WWTR1: variants seen among roughly 807,000 people sequenced by gnomAD.
WWTR1 encodes the protein WW domain-containing transcription regulator protein 1.
WWTR1 carries 13 observed loss-of-function variants against 40.1 expected under a neutral mutation model. The ratio of observed to expected loss-of-function variants is 0.32; its 90% CI spans 0.21 to 0.52. The LOEUF is 0.52. Ranked by LOEUF, WWTR1 falls within the 20% of genes least tolerant of loss-of-function variation. The pLI, the probability that WWTR1 is intolerant of heterozygous loss-of-function variation, is 0.97. For synonymous variants in WWTR1, 230 were observed against 210.1 expected (o/e 1.09, Z -0.82); for missense variants, 436 against 523.1 (o/e 0.83, Z 1.63).
Position 149,709,764 on chromosome 3 carries a change from T to C in WWTR1, n.585-6436A>G, listed in dbSNP as rs111426265. Among the ~76,000 whole-genome samples, 969 of 151,986 alleles carry C rather than the reference T, an allele frequency of 6.4e-3. 11 individuals are homozygous for C. Among genetic ancestry groups the C allele is most frequent in the African/African-American group, 0.022 (926 of 41,430 alleles). ...TACTAAAAATACAAAATTAGCCGGG[T>C]GTGGTGGAACATGCCTGTGATCCCA... On this transcript the variant is annotated intron_variant and non_coding_transcript_variant, in intron 5 of 6. Transcript: ENST00000474080.
At chr3:149,543,590 A>AAAAAAAAAC (rs1736231823) in intron 3 of WWTR1, among the ~76,000 whole-genome samples, 1 of 149,066 alleles carries the variant, frequency 6.7e-6, no homozygotes, top group Non-Finnish European at 1.5e-5. Flanking sequence ...CAAAAAAAAA[A>AAAAAAAAAC]AAAAAAAAAA....
chr3:149,657,544 T>C lies in WWTR1; in HGVS notation c.-4+221A>G, dbSNP rs1314903889. On this transcript the variant is annotated intron_variant, in intron 1 of 6. Coordinates refer to ENST00000360632, the MANE Select transcript of WWTR1 (RefSeq NM_015472.6). Reference sequence around the variant, plus strand: ...ACTTTCTTGAAGCAAAGAAGTTGCCTGGAGGAGGAGAAGATAGGGCGAGGG... The same window carrying C: ...ACTTTCTTGAAGCAAAGAAGTTGCCCGGAGGAGGAGAAGATAGGGCGAGGG... The C allele has an allele frequency of 5.4e-6, 3 of 551,080 alleles. No homozygotes were observed. The African/African-American group carries it at 5.7e-5, about 11-fold the overall frequency. 34.1% of individuals were successfully genotyped at this position (551,080 alleles called of 1,614,324 possible).
intron 5 of WWTR1, among the ~76,000 whole-genome samples, chr3:149,712,451 G>A (rs905983141): frequency 1.3e-5 from 2 of 152,116 alleles, no homozygotes; most frequent in African/African-American, 4.8e-5. Flanking sequence ...ATCAGCCTAC[G>A]ATTTACCCAA....
intron 2 of WWTR1, among the ~76,000 whole-genome samples, chr3:149,591,389 T>A (rs1473192998): frequency 6.6e-6 from 1 of 152,220 alleles, no homozygotes; most frequent in Non-Finnish European, 1.5e-5. Flanking sequence ...CCATTTTTAT[T>A]AATGCTTTTA....
At chr3:149,636,497 T>C (rs1197800162) in intron 2 of WWTR1, among the ~76,000 whole-genome samples, 1 of 152,230 alleles carries the variant, frequency 6.6e-6, no homozygotes, top group Non-Finnish European at 1.5e-5. Context: ...TGGATCTTCA[T>C]TGTTTTTGCT....
intron 3 of WWTR1, among the ~76,000 whole-genome samples, chr3:149,543,257 A>G (rs373059260): frequency 1.1e-3 from 169 of 152,336 alleles, no homozygotes; most frequent in African/African-American, 3.9e-3. Flanking sequence ...ATTTATCTGC[A>G]TTTAACAACC....
At chr3:149,698,258 TC>T (rs1049099529) in intron 1 of WWTR1, among the ~76,000 whole-genome samples, 1 of 152,172 alleles carries the variant, frequency 6.6e-6, no homozygotes, top group Non-Finnish European at 1.5e-5. Context: ...TGAGGGCAGT[TC>T]CCCCCATACT....
At chr3:149,525,186 T>A (rs189885048) in intron 6 of WWTR1, among the ~76,000 whole-genome samples, 122 of 152,328 alleles carry the variant, frequency 8.0e-4, no homozygotes, top group African/African-American at 2.8e-3. Context: ...ATGTTGGAAC[T>A]TGGAAGTGAC....
intron 1 of WWTR1, among the ~76,000 whole-genome samples, chr3:149,698,078 A>T (rs1340893083): frequency 6.6e-6 from 1 of 152,118 alleles, no homozygotes; most frequent in Non-Finnish European, 1.5e-5. Context: ...GGAGTTGAGT[A>T]CTTGCATGTT....
Position 149,594,950 on chromosome 3 carries a change from CTTTTTTTTTT to C in WWTR1, c.432-21960_432-21951del, listed in dbSNP as rs563658190. On this transcript the variant is annotated intron_variant, in intron 2 of 6. Coordinates refer to ENST00000360632, the MANE Select transcript of WWTR1 (RefSeq NM_015472.6). ...CATATTGCCTATAACCTCTTTTTTA[CTTTTTTTTTT>C]TTTTTTTTTTTTTTTTTTTTGAGAC... 2.6e-3 allele frequency among the ~76,000 whole-genome samples: 158 copies of C among 61,780 alleles called. 2 individuals carry two copies. Among genetic ancestry groups the C allele is most frequent in the African/African-American group, 7.8e-3 (141 of 18,100 alleles). The allele number at this position is 61,780 out of a possible 152,430, so 40.5% of individuals were successfully genotyped here. A position where few individuals can be genotyped will look rare whatever the true frequency, so the allele number is the denominator to read the frequency against.
At chr3:149,704,240 A>T (rs1400259312), upstream of WWTR1, among the ~76,000 whole-genome samples, 1 of 152,254 alleles carries the variant, frequency 6.6e-6, no homozygotes, top group East Asian at 1.9e-4. Context: ...GGATTTTAAC[A>T]AATTAAAAGG....
intron 1 of WWTR1, among the ~76,000 whole-genome samples, chr3:149,681,055 C>A (rs1714446341): frequency 6.6e-6 from 1 of 152,192 alleles, no homozygotes; most frequent in Non-Finnish European, 1.5e-5. Flanking sequence ...GCTTTCAATA[C>A]AAGAAGTAGA....
At chr3:149,686,404 A>G (rs1426280534) in intron 1 of WWTR1, among the ~76,000 whole-genome samples, 1 of 152,146 alleles carries the variant, frequency 6.6e-6, no homozygotes, top group African/African-American at 2.4e-5. Context: ...CTGAAGTCCA[A>G]GGCTATAAGG....
At chr3:149,535,951 T>C (rs1576543421) in intron 4 of WWTR1, among the ~76,000 whole-genome samples, 1 of 152,176 alleles carries the variant, frequency 6.6e-6, no homozygotes, top group Admixed American at 6.5e-5. Context: ...AGGTGAAGGT[T>C]GCAGTGAGCC....
At chr3:149,651,396 C>G (rs915567552) in intron 2 of WWTR1, among the ~76,000 whole-genome samples, 5 of 152,288 alleles carry the variant, frequency 3.3e-5, no homozygotes, top group African/African-American at 1.2e-4. Context: ...TCCAGGATGA[C>G]AGCTCTGTAG....
At chr3:149,562,489 A>C (rs973689371) in intron 3 of WWTR1, among the ~76,000 whole-genome samples, 6 of 152,038 alleles carry the variant, frequency 3.9e-5, no homozygotes, top group Admixed American at 2.0e-4. Context: ...GCCAATCAGC[A>C]TTTTCTACAG....
chr3:149,700,373 T>C (rs762935338), intron 1 of WWTR1, among the ~76,000 whole-genome samples: 1 of 152,138 alleles, frequency 6.6e-6, no homozygotes, highest in African/African-American at 2.4e-5. Context: ...TCTATGTGCC[T>C]CATGATCCCA....
intron 2 of WWTR1, among the ~76,000 whole-genome samples, chr3:149,628,503 TG>T (rs1010427131): frequency 3.9e-5 from 6 of 152,226 alleles, no homozygotes; most frequent in Non-Finnish European, 8.8e-5. Context: ...TTTTGGCTCT[TG>T]GTATTGTTTA....
chr3:149,663,118 C>T (rs530402826), intron 2 of WWTR1, among the ~76,000 whole-genome samples: 114 of 152,144 alleles, frequency 7.5e-4, no homozygotes, highest in Non-Finnish European at 1.3e-3. Flanking sequence ...CTGCAACATC[C>T]GCCTCCCGGG....
Sources: gnomAD v4.1 joint callset for allele counts (sites outside exome capture counted in the v4.1 genomes callset) on GRCh38, gnomAD v4.1.1 for gene constraint, MANE v1.5 for transcripts, NCBI Gene and HGNC (gene_info 2026-07-23, HGNC 2026-07-21) for gene names.